Variants in UNK observed in about 807,000 individuals in gnomAD.
The protein encoded by UNK is RING finger protein unkempt homolog.
UNK carries 32 observed loss-of-function variants against 97.6 expected under a neutral mutation model. That is an observed-to-expected ratio of 0.33 (90% CI 0.25 to 0.44). The LOEUF is 0.44. Among genes scored for constraint, UNK ranks in the 20% least tolerant of loss-of-function variants. The probability of loss-of-function intolerance (pLI) is 1.00; values close to 1 mark genes in which losing one functional copy is unlikely to be tolerated. For missense variants in UNK, 771 were observed against 1,098.4 expected, an observed-to-expected ratio of 0.70 and a Z score of 4.21; for synonymous variants, 441 against 461.2, an observed-to-expected ratio of 0.96 and a Z score of 0.56.
chr17:75,803,327 C>T (rs1216379314), intron 1 of UNK, among the ~76,000 whole-genome samples: 1 of 152,108 alleles, frequency 6.6e-6, no homozygotes, highest in African/African-American at 2.4e-5. Context: ...CACTTGAACC[C>T]GGGAGGCGGA....
intron 13 of UNK, chr17:75,821,870 G>A (rs1052761856): frequency 2.1e-5 from 8 of 372,582 alleles, no homozygotes; most frequent in African/African-American, 6.3e-5. Context: ...TGACTGGAAA[G>A]CATAGGCCTT....
chr17:75,813,900 G>T (rs541954157), intron 6 of UNK, 22 bp downstream of exon 6: 3 of 1,546,504 alleles, frequency 1.9e-6, no homozygotes, highest in South Asian at 1.2e-5. Flanking sequence ...AGCAGGGTGG[G>T]GGGGTGGCTT....
rs1003291846 is a variant in UNK, at chr17:75,810,012, T to C, written c.314+43T>C. 7 of 1,606,048 alleles carry C rather than the reference T, an allele frequency of 4.4e-6. No individual in the cohort carries two copies. In the South Asian group the frequency reaches 4.4e-5, roughly 10 times the overall value. ...TCCTCAGAGGAGCCCCGTGTCTCCTTCTGGGTCAGATGCCCTCAGGGTAGG... is the reference window on the plus strand; with the variant it reads ...TCCTCAGAGGAGCCCCGTGTCTCCTCCTGGGTCAGATGCCCTCAGGGTAGG... On this transcript the variant is annotated intron_variant, in intron 2 of 15. Coordinates refer to ENST00000589666, the MANE Select transcript of UNK (RefSeq NM_001080419.3).
At position 75,809,984 on chromosome 17, in the gene UNK, C is replaced by G; in HGVS notation, c.314+15C>G. 1.2e-6 allele frequency: 2 copies of G among 1,613,186 alleles called. No homozygotes were observed. The highest frequency in any genetic ancestry group is 1.7e-6 in the Non-Finnish European group (2 of 1,179,678). ...GAGGGCGACGAGTGAGTGACCCAGC[C>G]TGTCCTCAGAGGAGCCCCGTGTCTC... On this transcript the variant is annotated intron_variant, in intron 2 of 15. Transcript: ENST00000589666.
chr17:75,806,730 G>T (rs577973809), intron 1 of UNK, among the ~76,000 whole-genome samples: 1 of 151,396 alleles, frequency 6.6e-6, no homozygotes, highest in African/African-American at 2.4e-5. Flanking sequence ...CTGAGATTGC[G>T]CCACTGCACT....
At position 75,825,085 on chromosome 17, in the gene UNK, G is replaced by C. The variant is rs1233965683; in HGVS notation, c.*668G>C. The C allele has an allele frequency of 6.6e-6, 1 of 152,230 alleles. No homozygotes were observed. Among genetic ancestry groups the C allele is most frequent in the Non-Finnish European group, 1.5e-5 (1 of 68,012 alleles). The allele number at this position is 152,230 out of a possible 1,614,324, so 9.4% of individuals were successfully genotyped here. On this transcript the variant is annotated 3_prime_UTR_variant, in exon 16 of 16. Transcript: ENST00000589666. This position sits in a 1 kb window ranked among gnomAD's most constrained non-coding sequence, Gnocchi z 4.4. ...AGTCTTGGGGAGAACAGCAAGGGCT[G>C]GAGGCCAGTGCTGCAGGGCCAGCCC...
rs113407120 is a variant in UNK at position 75,822,628 on chromosome 17, G to A, written c.1989G>A (p.Gln663=). 1.4e-3 allele frequency: 2,285 copies of A among 1,612,014 alleles called. 35 individuals are homozygous for A. In the African/African-American group the frequency reaches 0.024, roughly 17 times the overall value. The part of the protein sequence containing the change: ...ELDEANSTIK[Q]WEESWKQAKQ... Reference sequence around the variant, plus strand: ...ATGAAGCCAACAGCACCATCAAGCAGTGGGAGGAGTCCTGGAAGCAGGCCA... The same window carrying A: ...ATGAAGCCAACAGCACCATCAAGCAATGGGAGGAGTCCTGGAAGCAGGCCA... Residue 663 remains glutamine, a synonymous_variant, in exon 14 of 16, where the codon CAG becomes CAA. Transcript: ENST00000589666.
rs1392433586 is a variant in UNK at position 75,794,276 on chromosome 17, A to G, written c.104+9292A>G. ...GTCCGAAACTCTCTGACATATTCTAAACAGCTTTCAGAGAGTCACTGAGGC... is the reference window on the plus strand; with the variant it reads ...GTCCGAAACTCTCTGACATATTCTAGACAGCTTTCAGAGAGTCACTGAGGC... On this transcript the variant is annotated intron_variant, in intron 1 of 15. Transcript: ENST00000589666. The G allele has an allele frequency of 1.1e-5, 8 of 706,654 alleles. No individual in the cohort carries two copies. In the Admixed American group the frequency reaches 5.0e-4, roughly 44 times the overall value. 43.8% of individuals were successfully genotyped at this position (706,654 alleles called of 1,614,324 possible).
intron 1 of UNK, 71 bp downstream of exon 1, chr17:75,785,055 C>A: frequency 8.6e-7 from 1 of 1,165,172 alleles, no homozygotes; most frequent in Non-Finnish European, 1.2e-6. Context: ...GTCACGCGCG[C>A]AGGGAGAGCG....
At position 75,818,861 on chromosome 17, in the gene UNK, G is replaced by C. The variant is rs1157284219; in HGVS notation, c.1546+45G>C. 1 of 1,499,608 alleles carries C rather than the reference G, an allele frequency of 6.7e-7. No homozygotes were observed. The highest frequency in any genetic ancestry group is 2.2e-5 in the Admixed American group (1 of 44,720). The allele number at this position is 1,499,608 out of a possible 1,614,324, so 92.9% of individuals were successfully genotyped here. On this transcript the variant is annotated intron_variant, in intron 11 of 15. Transcript: ENST00000589666. This position sits in a 1 kb window ranked among gnomAD's most constrained non-coding sequence, Gnocchi z 5.1. ...TTGAAAGCCCAGGACTGGGTCTGGGGTCAGAGACCCCCCAGTCTCTGAAGC... is the reference window on the plus strand; with the variant it reads ...TTGAAAGCCCAGGACTGGGTCTGGGCTCAGAGACCCCCCAGTCTCTGAAGC...
intron 1 of UNK, among the ~76,000 whole-genome samples, chr17:75,800,032 G>T (rs2061841406): frequency 6.6e-6 from 1 of 152,182 alleles, no homozygotes; most frequent in African/African-American, 2.4e-5. Context: ...GCCAAATCCA[G>T]CCTGCTGCCT....
At chr17:75,805,519 G>A (rs1340336334) in intron 1 of UNK, among the ~76,000 whole-genome samples, 1 of 152,142 alleles carries the variant, frequency 6.6e-6, no homozygotes, top group East Asian at 1.9e-4. Flanking sequence ...TACAGGCCAG[G>A]TGTGGTGGCT....
intron 4 of UNK, among the ~76,000 whole-genome samples, chr17:75,812,849 C>CT (rs1459658830): frequency 6.6e-6 from 1 of 152,266 alleles, no homozygotes; most frequent in African/African-American, 2.4e-5. Context: ...CAAGAGTGCC[C>CT]TTTCACCCTG....
intron 13 of UNK, chr17:75,821,920 T>C: frequency 2.9e-6 from 1 of 342,502 alleles, no homozygotes; most frequent in Non-Finnish European, 5.8e-6. Context: ...CCCTACCACT[T>C]ACAATTTGTG....
chr17:75,818,886 C>T lies in UNK; in HGVS notation c.1546+70C>T, dbSNP rs1054416398. On this transcript the variant is annotated intron_variant, in intron 11 of 15. Coordinates refer to ENST00000589666, the MANE Select transcript of UNK (RefSeq NM_001080419.3). The surrounding 1 kb of genome is among the most constrained non-coding windows in gnomAD (Gnocchi z 5.1). ...GTCAGAGACCCCCCAGTCTCTGAAGCGAGTCTCAAATCAGCACACCAGACC... is the reference window on the plus strand; with the variant it reads ...GTCAGAGACCCCCCAGTCTCTGAAGTGAGTCTCAAATCAGCACACCAGACC... The T allele has an allele frequency of 4.0e-5, 58 of 1,444,640 alleles. No individual in the cohort carries two copies. The highest frequency in any genetic ancestry group is 8.2e-5 in the Admixed American group (3 of 36,452). The allele number at this position is 1,444,640 out of a possible 1,614,324, so 89.5% of individuals were successfully genotyped here.
At chr17:75,794,934 C>G (rs2061792736) in intron 1 of UNK, among the ~76,000 whole-genome samples, 1 of 152,206 alleles carries the variant, frequency 6.6e-6, no homozygotes, top group Non-Finnish European at 1.5e-5. Context: ...GGGCCCTAGT[C>G]ACTGCTTTCA....
Position 75,817,394 on chromosome 17 carries a change from G to T in UNK, c.1173G>T (p.Arg391Ser). ...NLCGSPPGSI[R>S]KPPNLEGIVF... is the part of the protein sequence containing the mutation. ...GCGGCTCCCCACCGGGCTCCATCAG[G>T]AAGCCCCCAAACCTGGAGGGCATCG... The change falls in exon 9 of 16, where the codon AGG (arginine) becomes AGT (serine). Residue 391 changes from arginine to serine, a missense_variant. Around this residue, in one of 5 missense-constraint regions of UNK, gnomAD observed 192 missense variants for 202.4 expected, o/e 0.95. Transcript: ENST00000589666. This position sits in a 1 kb window ranked among gnomAD's most constrained non-coding sequence, Gnocchi z 5.8. 1.2e-6 allele frequency: 2 copies of T among 1,611,636 alleles called. No homozygotes were observed. The highest frequency in any genetic ancestry group is 1.7e-6 in the Non-Finnish European group (2 of 1,178,556).
In UNK at chr17:75,784,819, GGCGCGGACC is replaced by G. The variant is rs1283538303; in HGVS notation, c.-57_-49del. The G allele has an allele frequency of 6.5e-7, 1 of 1,548,598 alleles. No homozygotes were observed. The highest frequency in any genetic ancestry group is 1.7e-5 in the Admixed American group (1 of 59,640). Reference sequence around the variant, plus strand: ...CGCGGCGCAGGCGCACTGGGTCCTCGGCGCGGACCGCGCAGACTGAATAATAAAAGGGGA... The same window carrying G: ...CGCGGCGCAGGCGCACTGGGTCCTCGGCGCAGACTGAATAATAAAAGGGGA... On this transcript the variant is annotated 5_prime_UTR_variant, in exon 1 of 16. Coordinates refer to ENST00000589666, the MANE Select transcript of UNK (RefSeq NM_001080419.3).
chr17:75,797,214 A>C (rs1199772232), intron 1 of UNK, among the ~76,000 whole-genome samples: 1 of 152,156 alleles, frequency 6.6e-6, no homozygotes, highest in African/African-American at 2.4e-5. Context: ...TTCATGTTAA[A>C]GCTTGTATAT....
Sources: allele counts gnomAD v4.1 joint callset (sites outside exome capture counted in the v4.1 genomes callset), GRCh38; gene constraint gnomAD v4.1.1; regional missense constraint gnomAD v4.1.1; non-coding constraint Gnocchi (gnomAD v3.1); transcripts MANE v1.5; gene names NCBI Gene and HGNC (gene_info 2026-07-23, HGNC 2026-07-21).